The following SLC2A12 variants were observed in gnomAD, a reference collection of about 807,000 sequenced individuals.
SLC2A12 encodes the protein solute carrier family 2 member 12.
In SLC2A12, 23 loss-of-function variants were observed where a neutral mutation model predicts 41.8. The observed-to-expected ratio is 0.55, with a 90% CI of 0.40 to 0.78. The LOEUF (loss-of-function observed/expected upper bound fraction) is 0.78. SLC2A12 is among the 30% of genes least tolerant of loss of function. The pLI is 0.00. For synonymous variants in SLC2A12, 295 were observed against 285.9 expected, an observed-to-expected ratio of 1.03 and a Z score of -0.32; for missense variants, 654 against 745.6, an observed-to-expected ratio of 0.88 and a Z score of 1.43.
chr6:134,032,739 G>C (rs1476821647), intron 1 of SLC2A12, among the ~76,000 whole-genome samples: 2 of 131,128 alleles, frequency 1.5e-5, no homozygotes, highest in Admixed American at 1.6e-4. Context: ...TAATGCTTCT[G>C]AGATTGTGGC....
At chr6:134,040,528 C>A (rs781300672) in intron 1 of SLC2A12, among the ~76,000 whole-genome samples, 1 of 152,250 alleles carries the variant, frequency 6.6e-6, no homozygotes, top group African/African-American at 2.4e-5. Context: ...AAGACTCACA[C>A]TGTACCCATC....
intron 2 of SLC2A12, among the ~76,000 whole-genome samples, chr6:134,008,089 C>A (rs1776836215): frequency 6.6e-6 from 1 of 152,200 alleles, no homozygotes; most frequent in Non-Finnish European, 1.5e-5. Context: ...TTCAGAAGAC[C>A]AGCTCTGATT....
chr6:134,008,271 G>GA (rs972271664), intron 2 of SLC2A12, among the ~76,000 whole-genome samples: 7 of 152,116 alleles, frequency 4.6e-5, no homozygotes, highest in African/African-American at 1.2e-4. Flanking sequence ...ATGCCCTGTA[G>GA]AAAAAACATC....
At position 134,021,734 on chromosome 6, in the gene SLC2A12, C is replaced by T. The variant is rs188621731; in HGVS notation, c.1444+6647G>A. Among the ~76,000 whole-genome samples the T allele has an allele frequency of 3.3e-5, 5 of 152,292 alleles. No homozygotes were observed. The South Asian group carries it at 8.3e-4, about 25-fold the overall frequency. On this transcript the variant is annotated intron_variant, in intron 2 of 4. Coordinates refer to ENST00000275230, the MANE Select transcript of SLC2A12 (RefSeq NM_145176.3). ...GAGGTTTTCTGATTTTAAATTTATA[C>T]GTTTGGTAGCCCAGAACTGAATTAC...
intron 4 of SLC2A12, among the ~76,000 whole-genome samples, chr6:133,995,346 G>C (rs1399460884): frequency 1.3e-5 from 2 of 151,924 alleles, no homozygotes; most frequent in African/African-American, 4.8e-5. Flanking sequence ...AGAGGAGAGA[G>C]GGGGTGAAGG....
chr6:134,019,915 C>T (rs1184679412), intron 2 of SLC2A12, among the ~76,000 whole-genome samples: 1 of 151,690 alleles, frequency 6.6e-6, no homozygotes, highest in East Asian at 1.9e-4. Context: ...ATCCCAGCTA[C>T]TCAGGAGGCT....
At chr6:133,995,733 G>T (rs1562189465) in intron 4 of SLC2A12, among the ~76,000 whole-genome samples, 1 of 152,166 alleles carries the variant, frequency 6.6e-6, no homozygotes, top group Non-Finnish European at 1.5e-5. Flanking sequence ...TCATGTCACT[G>T]CCCTGCTTAA....
chr6:134,005,659 T>TA (rs56710009), intron 3 of SLC2A12, among the ~76,000 whole-genome samples: 7,721 of 64,438 alleles, frequency 0.12, 1,366 homozygotes, highest in Non-Finnish European at 0.14. Flanking sequence ...GACTCTGTCT[T>TA]AAAAAAAAAA....
chr6:134,016,529 T>C (rs1239114857), intron 2 of SLC2A12, among the ~76,000 whole-genome samples: 2 of 152,032 alleles, frequency 1.3e-5, no homozygotes, highest in Admixed American at 6.5e-5. Context: ...CCTTTGTCTC[T>C]GACCAAGGAA....
In SLC2A12 at chr6:133,995,146, C is replaced by A. The variant is rs149957364; in HGVS notation, c.1701-3838G>T. ...AACGCTTTAGAAAAACTTGGCTATA[C>A]ATAGTACCCAAGAAATAGGGCAAAA... On this transcript the variant is annotated intron_variant, in intron 4 of 4. Coordinates refer to ENST00000275230, the MANE Select transcript of SLC2A12 (RefSeq NM_145176.3). 7.2e-3 allele frequency among the ~76,000 whole-genome samples: 1,100 copies of A among 152,272 alleles called. 12 individuals are homozygous for A. Among genetic ancestry groups the A allele is most frequent in the African/African-American group, 0.025 (1,032 of 41,546 alleles).
intron 2 of SLC2A12, among the ~76,000 whole-genome samples, chr6:134,019,192 G>T (rs1464696705): frequency 6.6e-6 from 1 of 152,098 alleles, no homozygotes; most frequent in South Asian, 2.1e-4. Context: ...TGGATAAAAA[G>T]CCCTAATAAT....
rs1213871019 is a variant in SLC2A12 at position 134,035,833 on chromosome 6, T to C, written c.104-6112A>G. ...TAAGGTGATAAAGTAAAACTGTTCC[T>C]ATCAAAGCTGTGATTCAATCAAGCA... On this transcript the variant is annotated intron_variant, in intron 1 of 4. Transcript: ENST00000275230. 2.0e-5 allele frequency among the ~76,000 whole-genome samples: 3 copies of C among 152,240 alleles called. No homozygotes were observed. In the East Asian group the frequency reaches 5.8e-4, roughly 29 times the overall value.
At chr6:134,023,783 C>G (rs1348596692) in intron 2 of SLC2A12, among the ~76,000 whole-genome samples, 1 of 152,180 alleles carries the variant, frequency 6.6e-6, no homozygotes, top group Non-Finnish European at 1.5e-5. Flanking sequence ...AAGTTTATCA[C>G]AGCAATGGAC....
intron 2 of SLC2A12, among the ~76,000 whole-genome samples, chr6:134,020,577 A>G (rs1764021678): frequency 6.6e-6 from 1 of 152,252 alleles, no homozygotes; most frequent in South Asian, 2.1e-4. Context: ...TAAAATGTGA[A>G]TATGGATGTA....
chr6:134,022,341 GCCAA>G (rs1777051302), intron 2 of SLC2A12, among the ~76,000 whole-genome samples: 1 of 152,088 alleles, frequency 6.6e-6, no homozygotes, highest in Non-Finnish European at 1.5e-5. Context: ...GACCAGCCTG[GCCAA>G]CATGGCGAAA....
intron 2 of SLC2A12, among the ~76,000 whole-genome samples, chr6:134,015,175 G>A (rs574633615): frequency 2.6e-5 from 4 of 152,198 alleles, no homozygotes; most frequent in Non-Finnish European, 5.9e-5. Flanking sequence ...GATCTTAAAG[G>A]TAGATGCACA....
chr6:133,991,440 T>A, intron 4 of SLC2A12, 132 bp from the exon 5 acceptor site: 1 of 990,108 alleles, frequency 1.0e-6, no homozygotes, highest in Non-Finnish European at 1.5e-6. Flanking sequence ...ACATTTTTAT[T>A]AGGAATCCTG....
intron 1 of SLC2A12, among the ~76,000 whole-genome samples, chr6:134,030,330 G>A (rs1337258085): frequency 6.6e-6 from 1 of 152,156 alleles, no homozygotes; most frequent in East Asian, 1.9e-4. Flanking sequence ...GGCAGTGTGT[G>A]AATGCCTTAA....
At chr6:134,044,702 G>A (rs1366642015) in intron 1 of SLC2A12, among the ~76,000 whole-genome samples, 5 of 112,930 alleles carry the variant, frequency 4.4e-5, no homozygotes, top group African/African-American at 1.8e-4. Context: ...CAACAAGAGT[G>A]AAACTCCGTC....
Sources: gnomAD v4.1 joint callset for allele counts (sites outside exome capture counted in the v4.1 genomes callset) on GRCh38, gnomAD v4.1.1 for gene constraint, MANE v1.5 for transcripts, NCBI Gene and HGNC (gene_info 2026-07-23, HGNC 2026-07-21) for gene names.